PTPRD: variants seen among roughly 807,000 people sequenced by gnomAD.
PTPRD encodes the protein receptor-type tyrosine-protein phosphatase delta.
In PTPRD, 34 loss-of-function variants were observed where a neutral mutation model predicts 214.5. The observed-to-expected ratio is 0.16, with a 90% CI of 0.12 to 0.21. PTPRD has a LOEUF of 0.21. Ranked by LOEUF, PTPRD falls within the 10% of genes least tolerant of loss-of-function variation. The pLI, the probability that PTPRD is intolerant of heterozygous loss-of-function variation, is 1.00. For synonymous variants in PTPRD, 1,128 were observed against 845.7 expected (o/e 1.33, Z -5.79); for missense variants, 2,545 against 2,398.7 (o/e 1.06, Z -1.27).
chr9:9,287,879 A>G (rs1222914944), intron 9 of PTPRD, among the ~76,000 whole-genome samples: 1 of 151,832 alleles, frequency 6.6e-6, no homozygotes, highest in East Asian at 2.0e-4. Context: ...TACCAGTAAA[A>G]ATGAGTTCAT....
chr9:9,413,042 C>G (rs1569568102), intron 8 of PTPRD, among the ~76,000 whole-genome samples: 1 of 147,568 alleles, frequency 6.8e-6, no homozygotes, highest in Non-Finnish European at 1.5e-5. Context: ...TTCCATGCAG[C>G]TATTTGTGAT....
At chr9:8,915,910 C>T (rs1001101979) in intron 11 of PTPRD, among the ~76,000 whole-genome samples, 6 of 152,094 alleles carry the variant, frequency 3.9e-5, no homozygotes, top group African/African-American at 1.4e-4. Context: ...TCCGGTGGCC[C>T]AGTTAAGTTG....
intron 12 of PTPRD, among the ~76,000 whole-genome samples, chr9:8,667,511 A>G (rs2097194437): frequency 6.6e-6 from 1 of 152,202 alleles, no homozygotes; most frequent in African/African-American, 2.4e-5. Flanking sequence ...ATGACACCGA[A>G]AGTGAAAAAT....
intron 37 of PTPRD, among the ~76,000 whole-genome samples, chr9:8,378,962 A>G (rs1202415441): frequency 6.6e-6 from 1 of 152,092 alleles, no homozygotes; most frequent in African/African-American, 2.4e-5. Context: ...TTCAAACTGC[A>G]ACTATTATTG....
chr9:9,941,453 G>T (rs982418336), intron 4 of PTPRD, among the ~76,000 whole-genome samples: 1 of 152,118 alleles, frequency 6.6e-6, no homozygotes, highest in African/African-American at 2.4e-5. Context: ...CTCCCAAGTA[G>T]CTGGGATTAC....
At chr9:8,849,443 G>C (rs554447988) in intron 11 of PTPRD, among the ~76,000 whole-genome samples, 1 of 152,150 alleles carries the variant, frequency 6.6e-6, no homozygotes, top group South Asian at 2.1e-4. Flanking sequence ...AGCCAGAATG[G>C]TCTCGATCTC....
In PTPRD at chr9:8,315,640, A is replaced by T. The variant is rs1821246881; in HGVS notation, c.*2234T>A. 4.4e-6 allele frequency: 1 copy of T among 227,686 alleles called. No homozygotes were observed. The highest frequency in any genetic ancestry group is 8.7e-6 in the Non-Finnish European group (1 of 114,508). 14.1% of individuals were successfully genotyped at this position (227,686 alleles called of 1,614,324 possible). A position where few individuals can be genotyped will look rare whatever the true frequency, so the allele number is the denominator to read the frequency against. ...GATACTTTTTTTTAGTATTATATAT[A>T]TTTTCTTTTTTTTCTTTTTCTTTGT... On this transcript the variant is annotated 3_prime_UTR_variant, in exon 46 of 46. Transcript: ENST00000381196.
Position 9,759,388 on chromosome 9 carries a change from G to C in PTPRD, c.-326+7422C>G, listed in dbSNP as rs528351707. ...AAGTCCCCACAACCCAGTAATTAAA[G>C]TGTTAATGCTAGTACAGCTGAGGAG... On this transcript the variant is annotated intron_variant, in intron 6 of 45. Coordinates refer to ENST00000381196, the MANE Select transcript of PTPRD (RefSeq NM_002839.4). Among the ~76,000 whole-genome samples the C allele has an allele frequency of 3.3e-4, 51 of 152,260 alleles. 1 individual carries two copies. Among genetic ancestry groups the C allele is most frequent in the Admixed American group, 2.9e-3 (45 of 15,278 alleles).
intron 8 of PTPRD, among the ~76,000 whole-genome samples, chr9:9,426,775 T>G (rs566614611): frequency 6.2e-4 from 94 of 152,274 alleles, no homozygotes; most frequent in Middle Eastern, 3.4e-3. Flanking sequence ...CACCCTCCGC[T>G]GGTGATACCC....
At chr9:9,245,561 T>C (rs941514097) in intron 9 of PTPRD, among the ~76,000 whole-genome samples, 1 of 151,796 alleles carries the variant, frequency 6.6e-6, no homozygotes. Flanking sequence ...TAGGTGGGAA[T>C]TGAACAATGA....
chr9:10,608,204 G>A (rs2079999972), intron 2 of PTPRD, among the ~76,000 whole-genome samples: 1 of 152,004 alleles, frequency 6.6e-6, no homozygotes, highest in Non-Finnish European at 1.5e-5. Flanking sequence ...AGATTTCAGA[G>A]TGGGAAAAAG....
At chr9:9,697,649 T>C (rs1431384263) in intron 7 of PTPRD, among the ~76,000 whole-genome samples, 4 of 152,152 alleles carry the variant, frequency 2.6e-5, no homozygotes, top group Non-Finnish European at 5.9e-5. Context: ...TTAATTATTA[T>C]ATGCCTTGGG....
At position 9,233,487 on chromosome 9, in the gene PTPRD, A is replaced by C. The variant is rs2099964476; in HGVS notation, c.-202-50124T>G. ...CTAATCTCATGTTCTTACATTTCAA[A>C]ACACAATCATGCCTTCCCAACAGTC... On this transcript the variant is annotated intron_variant, in intron 9 of 45. Coordinates refer to ENST00000381196, the MANE Select transcript of PTPRD (RefSeq NM_002839.4). Among the ~76,000 whole-genome samples, 3 of 152,136 alleles carry C rather than the reference A, an allele frequency of 2.0e-5. No individual in the cohort carries two copies. In the South Asian group the frequency reaches 6.2e-4, roughly 32 times the overall value.
intron 9 of PTPRD, among the ~76,000 whole-genome samples, chr9:9,208,870 C>T (rs578175112): frequency 6.6e-6 from 1 of 151,510 alleles, no homozygotes; most frequent in Non-Finnish European, 1.5e-5. Context: ...TACAGTGGCG[C>T]GATCCCGGCT....
At chr9:8,398,407 TAAG>T (rs1311271929) in intron 36 of PTPRD, among the ~76,000 whole-genome samples, 1 of 152,156 alleles carries the variant, frequency 6.6e-6, no homozygotes, top group Non-Finnish European at 1.5e-5. Flanking sequence ...TAGGCCCTCC[TAAG>T]AAGGTACTTA....
At chr9:9,619,040 TA>T (rs1005414555) in intron 7 of PTPRD, among the ~76,000 whole-genome samples, 3 of 151,948 alleles carry the variant, frequency 2.0e-5, no homozygotes, top group Non-Finnish European at 2.9e-5. Context: ...AGAAAAAGAA[TA>T]AAAAAATATG....
chr9:10,365,764 A>G (rs1565569177), intron 2 of PTPRD, among the ~76,000 whole-genome samples: 1 of 152,150 alleles, frequency 6.6e-6, no homozygotes, highest in East Asian at 1.9e-4. Context: ...TAATAGTTCA[A>G]TAGTTAATAC....
chr9:9,776,970 T>C (rs2098803203), intron 5 of PTPRD, among the ~76,000 whole-genome samples: 1 of 152,194 alleles, frequency 6.6e-6, no homozygotes, highest in Admixed American at 6.5e-5. Context: ...AATTTTCTAG[T>C]CATTTACTAA....
At chr9:8,454,770 T>G (rs931330951) in intron 33 of PTPRD, among the ~76,000 whole-genome samples, 1 of 152,088 alleles carries the variant, frequency 6.6e-6, no homozygotes, top group Non-Finnish European at 1.5e-5. Context: ...CCTCTGATTA[T>G]GAACTAAACA....
Sources: allele counts gnomAD v4.1 joint callset (sites outside exome capture counted in the v4.1 genomes callset), GRCh38; gene constraint gnomAD v4.1.1; transcripts MANE v1.5; gene names NCBI Gene and HGNC (gene_info 2026-07-23, HGNC 2026-07-21).